The following KALRN variants were observed in gnomAD, a reference collection of about 807,000 sequenced individuals.
KALRN encodes kalirin RhoGEF kinase.
A neutral mutation model predicts 353.7 loss-of-function variants in KALRN; 70 were observed. The observed-to-expected ratio is 0.20, with a 90% CI of 0.16 to 0.24. KALRN has a LOEUF of 0.24. Among genes scored for constraint, KALRN ranks in the 10% least tolerant of loss-of-function variants. The pLI is 1.00. For missense variants in KALRN, 2,791 were observed against 3,756.7 expected (o/e 0.74, Z 6.72); for synonymous variants, 1,391 against 1,434.8 (o/e 0.97, Z 0.69).
chr3:124,543,815 C>CA (rs1194286179), intron 33 of KALRN, among the ~76,000 whole-genome samples: 2 of 151,774 alleles, frequency 1.3e-5, no homozygotes, highest in Non-Finnish European at 2.9e-5. Context: ...AAGGGTAAAA[C>CA]AGGGAGAGAA....
At chr3:124,594,981 T>G (rs1378912761) in intron 34 of KALRN, among the ~76,000 whole-genome samples, 1 of 151,346 alleles carries the variant, frequency 6.6e-6, no homozygotes, top group Non-Finnish European at 1.5e-5. Context: ...AAAATTTTAT[T>G]TATTTATTTT....
At chr3:124,087,813 A>G (rs549163880) in intron 1 of KALRN, among the ~76,000 whole-genome samples, 1 of 152,276 alleles carries the variant, frequency 6.6e-6, no homozygotes, top group Non-Finnish European at 1.5e-5. Context: ...CTCACAACAA[A>G]GCAGCTAGAT....
chr3:124,474,232 A>G (rs570555716), intron 25 of KALRN, among the ~76,000 whole-genome samples: 1 of 152,346 alleles, frequency 6.6e-6, no homozygotes, highest in East Asian at 1.9e-4. Flanking sequence ...AAAATTAGAA[A>G]GAGGCCAGTG....
At chr3:124,310,218 A>G (rs2078116139) in intron 6 of KALRN, among the ~76,000 whole-genome samples, 1 of 149,280 alleles carries the variant, frequency 6.7e-6, no homozygotes, top group Non-Finnish European at 1.5e-5. Context: ...AAAAAAGTGT[A>G]AAACTTATAC....
chr3:124,632,164 T>C (rs1013446691), intron 34 of KALRN, among the ~76,000 whole-genome samples: 3 of 152,230 alleles, frequency 2.0e-5, no homozygotes, highest in African/African-American at 7.2e-5. Flanking sequence ...GAATGTAAAC[T>C]CCGCGAAGGC....
At chr3:124,250,527 G>A (rs1202562134) in intron 3 of KALRN, among the ~76,000 whole-genome samples, 1 of 152,336 alleles carries the variant, frequency 6.6e-6, no homozygotes, top group African/African-American at 2.4e-5. Flanking sequence ...TTTTAGAAAG[G>A]CTCCTTGTGT....
At chr3:124,135,135 A>C (rs2149728603) in intron 1 of KALRN, among the ~76,000 whole-genome samples, 1 of 152,362 alleles carries the variant, frequency 6.6e-6, no homozygotes, top group South Asian at 2.1e-4. Context: ...CCAAATGCCC[A>C]TCAATCAATG....
At chr3:124,385,748 G>A (rs2088166451) in intron 11 of KALRN, among the ~76,000 whole-genome samples, 1 of 152,118 alleles carries the variant, frequency 6.6e-6, no homozygotes, top group African/African-American at 2.4e-5. Flanking sequence ...CCATAGAGAG[G>A]AGGATGGTTG....
At chr3:124,211,945 G>A (rs1282234535) in intron 1 of KALRN, among the ~76,000 whole-genome samples, 1 of 152,180 alleles carries the variant, frequency 6.6e-6, no homozygotes, top group Non-Finnish European at 1.5e-5. Context: ...TGAGGTCAGA[G>A]CCTTTCTAGA....
At chr3:124,047,564 T>C (rs2040600895) in intron 1 of KALRN, among the ~76,000 whole-genome samples, 1 of 150,778 alleles carries the variant, frequency 6.6e-6, no homozygotes, top group Admixed American at 6.6e-5. Context: ...GCGATCTCTG[T>C]TCACTGCAAG....
chr3:124,516,645 A>AAAC (rs950082566), intron 33 of KALRN, among the ~76,000 whole-genome samples: 16 of 151,726 alleles, frequency 1.1e-4, no homozygotes, highest in Admixed American at 1.0e-3. Context: ...ATAAAAAAAA[A>AAAC]AAAAAAAAAA....
At position 124,181,521 on chromosome 3, in the gene KALRN, T is replaced by C. The variant is rs548788312; in HGVS notation, c.74-46469T>C. ...TTAAAAGTTGCTGGCTTTGGTTCAT[T>C]ATTAGCTCTAATTTACTACGAAATG... On this transcript the variant is annotated intron_variant, in intron 1 of 59. Transcript: ENST00000682506. 2.6e-5 allele frequency among the ~76,000 whole-genome samples: 4 copies of C among 152,306 alleles called. No individual in the cohort carries two copies. In the South Asian group the frequency reaches 8.3e-4, roughly 32 times the overall value.
At chr3:124,346,977 A>G (rs905271483) in intron 9 of KALRN, among the ~76,000 whole-genome samples, 166 bp from the exon 10 acceptor site, 8 of 152,220 alleles carry the variant, frequency 5.3e-5, no homozygotes, top group African/African-American at 1.9e-4. Context: ...CAATGACAGT[A>G]ATGAAATCCC....
intron 5 of KALRN, among the ~76,000 whole-genome samples, chr3:124,275,074 T>C (rs2074562872): frequency 6.6e-6 from 1 of 152,240 alleles, no homozygotes; most frequent in Non-Finnish European, 1.5e-5. Context: ...CTTCAGCATC[T>C]TTTGACTTTT....
Position 124,717,818 on chromosome 3 carries a change from T to C in KALRN, c.8415+433T>C, listed in dbSNP as rs114277582. Among the ~76,000 whole-genome samples the C allele has an allele frequency of 5.2e-3, 796 of 152,018 alleles. 5 individuals are homozygous for C. Among genetic ancestry groups the C allele is most frequent in the Non-Finnish European group, 8.3e-3 (565 of 67,980 alleles). On this transcript the variant is annotated intron_variant, in intron 59 of 59. Coordinates refer to ENST00000682506, the MANE Select transcript of KALRN (RefSeq NM_001388419.1). ...TTTACTTAGAGTAGAATATTATAAC[T>C]TTTTTTTATTTGAGACAGAGTCTGA...
intron 37 of KALRN, among the ~76,000 whole-genome samples, chr3:124,642,564 C>T (rs562252036): frequency 6.6e-6 from 1 of 152,226 alleles, no homozygotes; most frequent in South Asian, 2.1e-4. Context: ...GCATTCATCT[C>T]CTCCTTGGGC....
chr3:124,081,307 A>G (rs1676627370), intron 1 of KALRN, among the ~76,000 whole-genome samples: 1 of 152,218 alleles, frequency 6.6e-6, no homozygotes. Flanking sequence ...GATATCAAGA[A>G]AAAATAAGCT....
chr3:124,457,868 G>T (rs879625203), intron 23 of KALRN, among the ~76,000 whole-genome samples: 1 of 152,144 alleles, frequency 6.6e-6, no homozygotes, highest in Admixed American at 6.5e-5. Flanking sequence ...GCTATCGTTT[G>T]TCCTCATCTA....
chr3:124,529,537 G>A (rs913846873), intron 33 of KALRN, among the ~76,000 whole-genome samples: 11 of 152,032 alleles, frequency 7.2e-5, no homozygotes, highest in East Asian at 5.8e-4. Context: ...AAATTATAGC[G>A]TTGGAGCTTC....
Sources: allele counts gnomAD v4.1 joint callset (sites outside exome capture counted in the v4.1 genomes callset), GRCh38; gene constraint gnomAD v4.1.1; transcripts MANE v1.5; gene names NCBI Gene and HGNC (gene_info 2026-07-23, HGNC 2026-07-21).